DNTTIP1: variants seen among roughly 807,000 people sequenced by gnomAD.
DNTTIP1 encodes the protein deoxynucleotidyltransferase terminal interacting protein 1.
A neutral mutation model predicts 52.9 loss-of-function variants in DNTTIP1; 22 were observed. The observed-to-expected ratio is 0.42, with a 90% CI of 0.30 to 0.59. The LOEUF is 0.59. DNTTIP1 is among the 20% of genes least tolerant of loss of function. DNTTIP1 has a pLI of 0.22. For synonymous variants in DNTTIP1, 136 were observed against 155.1 expected (o/e 0.88, Z 0.92); for missense variants, 286 against 435.5 (o/e 0.66, Z 3.06).
intron 8 of DNTTIP1, among the ~76,000 whole-genome samples, chr20:45,804,072 T>C (rs1981559933): frequency 6.6e-6 from 1 of 152,210 alleles, no homozygotes; most frequent in South Asian, 2.1e-4. Flanking sequence ...GGGACCACCA[T>C]GTTCTAAAAC....
At chr20:45,800,679 TAAAAAAA>T (rs144859982) in intron 4 of DNTTIP1, among the ~76,000 whole-genome samples, 12 of 14,686 alleles carry the variant, frequency 8.2e-4, no homozygotes, top group Middle Eastern at 0.036. Context: ...CATCTCAATT[TAAAAAAA>T]AAAAAAAAAT....
intron 5 of DNTTIP1, 98 bp downstream of exon 5, chr20:45,801,240 T>C: frequency 1.4e-6 from 2 of 1,414,764 alleles, no homozygotes; most frequent in Non-Finnish European, 2.0e-6. Flanking sequence ...TGTACTTCCA[T>C]TTGTAGGACC....
chr20:45,793,694 C>A (rs1368867374), intron 2 of DNTTIP1, among the ~76,000 whole-genome samples: 31 of 151,136 alleles, frequency 2.1e-4, no homozygotes, highest in Admixed American at 2.0e-3. Context: ...AGTGAGACTC[C>A]GTCTCAAAAA....
chr20:45,796,332 T>C (rs1032075743), intron 4 of DNTTIP1: 4 of 380,976 alleles, frequency 1.0e-5, no homozygotes, highest in South Asian at 8.1e-5. Context: ...TATATACCAT[T>C]TCTGTTTATC....
chr20:45,799,589 C>G (rs1363287668), intron 4 of DNTTIP1, among the ~76,000 whole-genome samples: 1 of 152,218 alleles, frequency 6.6e-6, no homozygotes, highest in Non-Finnish European at 1.5e-5. Context: ...CAAGGCCTTC[C>G]CTGGCCATTC....
At chr20:45,793,867 G>A in intron 2 of DNTTIP1, 54 bp from the exon 3 acceptor site, 4 of 1,175,656 alleles carry the variant, frequency 3.4e-6, no homozygotes, top group Non-Finnish European at 4.8e-6. Context: ...GGGGAGGCTG[G>A]GAAAGAATAT....
intron 10 of DNTTIP1, among the ~76,000 whole-genome samples, chr20:45,807,908 C>T (rs1166160697): frequency 1.3e-5 from 2 of 151,950 alleles, no homozygotes; most frequent in African/African-American, 2.4e-5. Context: ...GCCGAGATCA[C>T]GCCACTGCAC....
chr20:45,792,125 G>T lies in DNTTIP1; in HGVS notation c.105+16G>T. 24 of 1,256,416 alleles carry T rather than the reference G, an allele frequency of 1.9e-5. No homozygotes were observed. The highest frequency in any genetic ancestry group is 2.3e-5 in the Non-Finnish European group (23 of 992,544). 77.8% of individuals were successfully genotyped at this position (1,256,416 alleles called of 1,614,324 possible). On this transcript the variant is annotated intron_variant, in intron 1 of 12. Coordinates refer to ENST00000372622, the MANE Select transcript of DNTTIP1 (RefSeq NM_052951.3). The stretch of plus-strand genomic sequence containing the variant: ...GGTTCTTACGGTGAGGGCGCCCCCG[G>T]TGAGGTCTGGGCTCAGGCCGGGCAC...
At chr20:45,800,346 A>T (rs970625006) in intron 4 of DNTTIP1, among the ~76,000 whole-genome samples, 2 of 151,930 alleles carry the variant, frequency 1.3e-5, no homozygotes, top group South Asian at 2.1e-4. Flanking sequence ...AAGTTTTTTT[A>T]AAAATAGATA....
In DNTTIP1 at chr20:45,792,722, G is replaced by A; in HGVS notation, c.151G>A (p.Gly51Ser). The part of the protein sequence containing the change: ...MIKHRQVQRR[G>S]RRSQMTTSFT... The stretch of plus-strand genomic sequence containing the variant: ...AAAGCACCGGCAGGTGCAGCGGAGG[G>A]GCCGCCGCTCACAGATGACAACAAG... The change falls in exon 2 of 13, where the codon GGC (glycine) becomes AGC (serine). Residue 51 changes from glycine (G) to serine (S), a missense_variant. This residue lies in a region of DNTTIP1 where 208 missense variants were observed against 266.5 expected (regional missense o/e 0.78). Transcript: ENST00000372622. The A allele has an allele frequency of 1.2e-6, 2 of 1,612,698 alleles. No homozygotes were observed. The highest frequency in any genetic ancestry group is 2.2e-5 in the East Asian group (1 of 44,814).
At chr20:45,810,809 A>C (rs1339889242) in intron 11 of DNTTIP1, 76 bp from the exon 12 acceptor site, 1 of 1,386,178 alleles carries the variant, frequency 7.2e-7, no homozygotes, top group Non-Finnish European at 1.0e-6. Flanking sequence ...TACATTAAAC[A>C]GATGTTTAAT....
Position 45,811,199 on chromosome 20 carries a change from C to T in DNTTIP1, c.*4C>T, listed in dbSNP as rs776887221. On this transcript the variant is annotated 3_prime_UTR_variant, in exon 13 of 13. Coordinates refer to ENST00000372622, the MANE Select transcript of DNTTIP1 (RefSeq NM_052951.3). Reference sequence around the variant, plus strand: ...TGAAGCACCTCCACAGACCTGAGGCCGGGTCCCCTGGCCACACTTGGCAGC... The same window carrying T: ...TGAAGCACCTCCACAGACCTGAGGCTGGGTCCCCTGGCCACACTTGGCAGC... The T allele has an allele frequency of 1.8e-5, 29 of 1,600,362 alleles. No individual in the cohort carries two copies. Among genetic ancestry groups the T allele is most frequent in the Admixed American group, 3.5e-5 (2 of 57,718 alleles).
chr20:45,803,389 G>GTGAGCA lies in DNTTIP1; in HGVS notation c.603+14_603+19dup. 1 of 1,614,098 alleles carries GTGAGCA rather than the reference G, an allele frequency of 6.2e-7. No individual in the cohort carries two copies. The highest frequency in any genetic ancestry group is 8.5e-7 in the Non-Finnish European group (1 of 1,179,986). On this transcript the variant is annotated intron_variant, in intron 8 of 12. Coordinates refer to ENST00000372622, the MANE Select transcript of DNTTIP1 (RefSeq NM_052951.3). ...CGGGAAGGCCCCAAGGTATGATTAT[G>GTGAGCA]TGAGCATGGCAGAGATCACGATCCC...
At chr20:45,794,517 T>A (rs6104349) in intron 3 of DNTTIP1, among the ~76,000 whole-genome samples, 95,695 of 150,988 alleles carry the variant, frequency 0.63, 30,596 homozygotes, top group Admixed American at 0.72. Flanking sequence ...CTTTTTTTTT[T>A]AAAATCTGCC....
At chr20:45,793,519 G>A (rs1446943882) in intron 2 of DNTTIP1, among the ~76,000 whole-genome samples, 3 of 152,176 alleles carry the variant, frequency 2.0e-5, no homozygotes, top group African/African-American at 7.2e-5. Context: ...GACCAAAATG[G>A]AGAAACCCGG....
chr20:45,800,697 AT>A (rs6147361), intron 4 of DNTTIP1, among the ~76,000 whole-genome samples: 5 of 5,840 alleles, frequency 8.6e-4, no homozygotes, highest in Admixed American at 3.1e-3. Flanking sequence ...AAAAAAAAAT[AT>A]ATATATATAT....
chr20:45,795,399 G>T lies in DNTTIP1; in HGVS notation c.328G>T (p.Ala110Ser). The change falls in exon 4 of 13, where the codon GCA becomes TCA. Residue 110 changes from alanine (A) to serine (S), a missense_variant. Physicochemically the swap from Ala to Ser is moderately conservative, Grantham distance 99. Transcript: ENST00000372622. ...VRDNVGEEVD[A>S]EQLIQEACRS... ...AGACAATGTTGGGGAGGAGGTGGAC[G>T]CAGAGCAGCTGATCCAGGAAGCCTG... The T allele has an allele frequency of 6.2e-7, 1 of 1,611,338 alleles. No individual in the cohort carries two copies. Among genetic ancestry groups the T allele is most frequent in the Non-Finnish European group, 8.5e-7 (1 of 1,178,608 alleles).
In DNTTIP1 at chr20:45,792,783, C is replaced by T. The variant is rs767182988; in HGVS notation, c.176+36C>T. The T allele has an allele frequency of 4.4e-6, 7 of 1,580,658 alleles. No homozygotes were observed. In the Admixed American group the frequency reaches 1.3e-4, roughly 29 times the overall value. ...CCCTGCATGGGGCTTATATCCCAGC[C>T]ACTGGCTTGCATGGCAGATTTGGGA... On this transcript the variant is annotated intron_variant, in intron 2 of 12. Coordinates refer to ENST00000372622, the MANE Select transcript of DNTTIP1 (RefSeq NM_052951.3).
At chr20:45,794,417 G>A (rs1302088134) in intron 3 of DNTTIP1, among the ~76,000 whole-genome samples, 1 of 152,046 alleles carries the variant, frequency 6.6e-6, no homozygotes, top group African/African-American at 2.4e-5. Flanking sequence ...AAAGTGCTGG[G>A]ATTATAGGTG....
Sources: allele counts gnomAD v4.1 joint callset (sites outside exome capture counted in the v4.1 genomes callset), GRCh38; gene constraint gnomAD v4.1.1; regional missense constraint gnomAD v4.1.1; transcripts MANE v1.5; gene names NCBI Gene and HGNC (gene_info 2026-07-23, HGNC 2026-07-21).